The following POLH variants were observed in gnomAD, a reference collection of about 807,000 sequenced individuals.
POLH encodes the protein DNA polymerase eta, also known as DNA polymerase eta transcript.
POLH carries 53 observed loss-of-function variants against 73.6 expected under a neutral mutation model. That is an observed-to-expected ratio of 0.72 (90% CI 0.58 to 0.91). The LOEUF (loss-of-function observed/expected upper bound fraction) is 0.91, where lower values mean the gene tolerates loss of function less well. POLH is among the 40% of genes least tolerant of loss of function. POLH has a pLI of 0.00. For missense variants in POLH, 768 were observed against 865.4 expected (o/e 0.89, Z 1.41); for synonymous variants, 292 against 308.5 (o/e 0.95, Z 0.56).
chr6:43,605,433 C>T (rs756481594), intron 9 of POLH, 114 bp downstream of exon 9: 27 of 564,852 alleles, frequency 4.8e-5, no homozygotes, highest in Middle Eastern at 5.8e-4. Context: ...AGGAAATATC[C>T]GTTTTCTTTC....
chr6:43,597,473 G>A (rs960461211), intron 4 of POLH, among the ~76,000 whole-genome samples: 12 of 152,114 alleles, frequency 7.9e-5, no homozygotes, highest in Admixed American at 1.3e-4. Flanking sequence ...AATATTTGTC[G>A]TACATTAGCA....
intron 6 of POLH, among the ~76,000 whole-genome samples, chr6:43,602,650 A>G (rs921458161): frequency 6.6e-6 from 1 of 152,146 alleles, no homozygotes; most frequent in Non-Finnish European, 1.5e-5. Context: ...AGGGAGCCTC[A>G]AAGGCTGGGC....
rs1480838700 is a variant in POLH, at chr6:43,614,427, C to T, written c.2012C>T (p.Pro671Leu). The change falls in exon 11 of 11, where the codon CCC becomes CTC. Residue 671 changes from proline to leucine, a missense_variant. Physicochemically the swap from Pro to Leu is moderately conservative, Grantham distance 98. Coordinates refer to ENST00000372236, the MANE Select transcript of POLH (RefSeq NM_006502.3). ...KSFLQPHSSN[P>L]QVVSAVSHQG... ...TTTTTGCAGCCCCACTCTTCAAACC[C>T]CCAGGTTGTTTCTGCCGTATCTCAT... The T allele has an allele frequency of 6.2e-7, 1 of 1,614,082 alleles. No homozygotes were observed. Among genetic ancestry groups the T allele is most frequent in the East Asian group, 2.2e-5 (1 of 44,894 alleles).
At position 43,616,353 on chromosome 6, in the gene POLH, G is replaced by A. The variant is rs1768346813; in HGVS notation, c.*1796G>A. 6.6e-6 allele frequency among the ~76,000 whole-genome samples: 1 copy of A among 151,630 alleles called. No individual in the cohort carries two copies. The highest frequency in any genetic ancestry group is 1.5e-5 in the Non-Finnish European group (1 of 67,970). On this transcript the variant is annotated 3_prime_UTR_variant, in exon 11 of 11. Coordinates refer to ENST00000372236, the MANE Select transcript of POLH (RefSeq NM_006502.3). ...TCATGCCTATAATCCCAGCATTTAG[G>A]GAGGCTGAGGTGAGTGGATTGCAGG...
At chr6:43,609,684 A>G (rs1767673896) in intron 9 of POLH, among the ~76,000 whole-genome samples, 2 of 152,192 alleles carry the variant, frequency 1.3e-5, no homozygotes, top group African/African-American at 4.8e-5. Context: ...ATTGGTGGCG[A>G]ATGTTTGTTT....
In POLH at chr6:43,603,997, T is replaced by C; in HGVS notation, c.870T>C (p.Phe290=). 1 of 1,613,410 alleles carries C rather than the reference T, an allele frequency of 6.2e-7. No individual in the cohort carries two copies. Among genetic ancestry groups the C allele is most frequent in the Non-Finnish European group, 8.5e-7 (1 of 1,179,350 alleles). Residue 290 remains phenylalanine, a synonymous_variant, in exon 7 of 11, where the codon TTT becomes TTC. Transcript: ENST00000372236. ...QFTESQLQSH[F]GEKNGSWLYA... Reference sequence around the variant, plus strand: ...CTGAATCCCAGCTCCAGAGTCATTTTGGGGAGAAGAATGGGTAAGTGATTC... The same window carrying C: ...CTGAATCCCAGCTCCAGAGTCATTTCGGGGAGAAGAATGGGTAAGTGATTC...
chr6:43,581,764 G>C lies in POLH; in HGVS notation c.-4-552G>C, dbSNP rs891595759. Among the ~76,000 whole-genome samples, 61 of 149,826 alleles carry C rather than the reference G, an allele frequency of 4.1e-4. 1 individual carries two copies. The highest frequency in any genetic ancestry group is 7.0e-4 in the Non-Finnish European group (47 of 67,358). The stretch of plus-strand genomic sequence containing the variant: ...CGGGCGTCAGCGCCGCGACTGTCCC[G>C]GCTCCGCACTGCCCCGGGCCGCAGC... On this transcript the variant is annotated intron_variant, in intron 1 of 10. Transcript: ENST00000372236.
At chr6:43,600,958 A>G in intron 5 of POLH, 30 bp from the exon 6 acceptor site, 1 of 1,396,034 alleles carries the variant, frequency 7.2e-7, no homozygotes, top group East Asian at 2.3e-5. Context: ...GTTGACAGTA[A>G]TGAGGTTTTT....
chr6:43,580,849 G>T (rs1399969357), intron 1 of POLH, among the ~76,000 whole-genome samples: 5 of 145,214 alleles, frequency 3.4e-5, no homozygotes, highest in African/African-American at 5.1e-5. Flanking sequence ...CCGGGCAGAG[G>T]CGCCCCTCAC....
At chr6:43,593,773 G>A (rs1300855439) in intron 4 of POLH, among the ~76,000 whole-genome samples, 3 of 151,504 alleles carry the variant, frequency 2.0e-5, no homozygotes, top group African/African-American at 4.9e-5. Context: ...CTAGCTTTTC[G>A]GGAGGGTAAG....
chr6:43,594,968 G>T (rs1196440667), intron 4 of POLH, among the ~76,000 whole-genome samples: 1 of 151,480 alleles, frequency 6.6e-6, no homozygotes, highest in African/African-American at 2.4e-5. Flanking sequence ...GGGGCATATG[G>T]GGGGGGATTG....
chr6:43,610,348 A>C (rs1346076933), intron 9 of POLH, among the ~76,000 whole-genome samples: 1 of 152,088 alleles, frequency 6.6e-6, no homozygotes, highest in Admixed American at 6.6e-5. Context: ...TACAGGCGTG[A>C]GCCACCATGC....
rs1768486985 is a variant in POLH, at chr6:43,618,441, C to T, written c.*3884C>T. 6.6e-6 allele frequency among the ~76,000 whole-genome samples: 1 copy of T among 152,028 alleles called. No individual in the cohort carries two copies. The highest frequency in any genetic ancestry group is 1.5e-5 in the Non-Finnish European group (1 of 68,010). On this transcript the variant is annotated 3_prime_UTR_variant, in exon 11 of 11. Coordinates refer to ENST00000372236, the MANE Select transcript of POLH (RefSeq NM_006502.3). The stretch of plus-strand genomic sequence containing the variant: ...TGCTGGGATTATAGGCATGAGCCAC[C>T]ACGCCCAGCCTATAGTACTGTATTC...
intron 3 of POLH, 98 bp downstream of exon 3, chr6:43,583,239 C>A: frequency 8.9e-7 from 1 of 1,123,662 alleles, no homozygotes; most frequent in Non-Finnish European, 1.3e-6. Flanking sequence ...ATGTAAATAA[C>A]ACCGGAAAAA....
intron 10 of POLH, among the ~76,000 whole-genome samples, 160 bp from the exon 11 acceptor site, chr6:43,613,500 G>A (rs1225500733): frequency 3.9e-5 from 6 of 152,142 alleles, no homozygotes; most frequent in Non-Finnish European, 7.4e-5. Flanking sequence ...AACCACTGCA[G>A]TAAAGAATAA....
At chr6:43,599,057 C>T (rs1048732666) in intron 5 of POLH, among the ~76,000 whole-genome samples, 1 of 143,932 alleles carries the variant, frequency 6.9e-6, no homozygotes, top group African/African-American at 2.6e-5. Context: ...GGCCCAATCT[C>T]AGCTCACTGC....
intron 1 of POLH, among the ~76,000 whole-genome samples, chr6:43,581,733 G>A (rs923330359): frequency 6.8e-6 from 1 of 147,862 alleles, no homozygotes; most frequent in African/African-American, 2.5e-5. Flanking sequence ...CTGCAGCTGG[G>A]GCCCGCGGGC....
chr6:43,595,895 A>G (rs1765996367), intron 4 of POLH, among the ~76,000 whole-genome samples: 1 of 151,794 alleles, frequency 6.6e-6, no homozygotes, highest in African/African-American at 2.4e-5. Context: ...GCTTGCACAT[A>G]TTAAGAACAA....
intron 3 of POLH, among the ~76,000 whole-genome samples, 198 bp downstream of exon 3, chr6:43,583,339 A>G (rs1466439466): frequency 2.0e-5 from 3 of 152,220 alleles, no homozygotes; most frequent in Non-Finnish European, 4.4e-5. Context: ...ATTATACCAT[A>G]TAAGAGTTGC....
Sources: allele counts gnomAD v4.1 joint callset (sites outside exome capture counted in the v4.1 genomes callset), GRCh38; gene constraint gnomAD v4.1.1; transcripts MANE v1.5; gene names NCBI Gene and HGNC (gene_info 2026-07-23, HGNC 2026-07-21).